SFSWAP: variants seen among roughly 807,000 people sequenced by gnomAD.
The protein encoded by SFSWAP is splicing factor, suppressor of white-apricot homolog.
A neutral mutation model predicts 100.7 loss-of-function variants in SFSWAP; 17 were observed. The ratio of observed to expected loss-of-function variants is 0.17; its 90% CI spans 0.12 to 0.25. The LOEUF (loss-of-function observed/expected upper bound fraction) is 0.25. SFSWAP is among the 10% of genes least tolerant of loss of function. The pLI is 1.00. For missense variants in SFSWAP, 1,005 were observed against 1,262.6 expected (o/e 0.80, Z 3.09); for synonymous variants, 504 against 510.1 (o/e 0.99, Z 0.16).
In SFSWAP at chr12:131,730,754, C is replaced by T. The variant is rs1222353230; in HGVS notation, c.1081+2326C>T. Among the ~76,000 whole-genome samples, 1 of 152,178 alleles carries T rather than the reference C, an allele frequency of 6.6e-6. No homozygotes were observed. Among genetic ancestry groups the T allele is most frequent in the African/African-American group, 2.4e-5 (1 of 41,434 alleles). ...CTCTGTTCAGGCCCCTGACTACCAC[C>T]ACCCTGGGCACTGACGGCACCCCAC... On this transcript the variant is annotated intron_variant, in intron 7 of 17. Transcript: ENST00000261674. The surrounding 1 kb of genome is among the most constrained non-coding windows in gnomAD (Gnocchi z 4.0).
chr12:131,737,630 T>C (rs1880161104), intron 7 of SFSWAP, among the ~76,000 whole-genome samples: 1 of 152,114 alleles, frequency 6.6e-6, no homozygotes. Flanking sequence ...CTGTGTCTCG[T>C]GGGAGGCTGC....
intron 7 of SFSWAP, among the ~76,000 whole-genome samples, chr12:131,737,102 G>C (rs544139887): frequency 6.6e-6 from 1 of 152,186 alleles, no homozygotes; most frequent in African/African-American, 2.4e-5. Flanking sequence ...AGGACTAATG[G>C]AGTCCCTCTG....
Position 131,711,629 on chromosome 12 carries a change from GC to G in SFSWAP, c.218+185del. 1 of 598,556 alleles carries G rather than the reference GC, an allele frequency of 1.7e-6. No homozygotes were observed. The highest frequency in any genetic ancestry group is 3.0e-6 in the Non-Finnish European group (1 of 338,120). The allele number at this position is 598,556 out of a possible 1,614,324, so 37.1% of individuals were successfully genotyped here. A position where few individuals can be genotyped will look rare whatever the true frequency, so the allele number is the denominator to read the frequency against. On this transcript the variant is annotated intron_variant, in intron 1 of 17. Coordinates refer to ENST00000261674, the MANE Select transcript of SFSWAP (RefSeq NM_004592.4). The surrounding 1 kb of genome is among the most constrained non-coding windows in gnomAD (Gnocchi z 4.9). ...GGTGGGGAGGGGGACGGTGAAACCT[GC>G]CCTAAGGCACTGGCTGGAATTGCGT...
chr12:131,714,718 A>G lies in SFSWAP; in HGVS notation c.389-104A>G. On this transcript the variant is annotated intron_variant, in intron 2 of 17. Transcript: ENST00000261674. This position sits in a 1 kb window ranked among gnomAD's most constrained non-coding sequence, Gnocchi z 6.0. ...ATTTTACCTCAAAAGTAGGTTGAAA[A>G]AAGTATGTTGTATGCTTTACTGATA... The G allele has an allele frequency of 9.6e-7, 1 of 1,039,256 alleles. No individual in the cohort carries two copies. The highest frequency in any genetic ancestry group is 1.4e-6 in the Non-Finnish European group (1 of 711,546). The allele number at this position is 1,039,256 out of a possible 1,614,324, so 64.4% of individuals were successfully genotyped here. A position where few individuals can be genotyped will look rare whatever the true frequency, so the allele number is the denominator to read the frequency against.
chr12:131,752,762 G>A (rs1346200737), intron 7 of SFSWAP, among the ~76,000 whole-genome samples: 4 of 152,230 alleles, frequency 2.6e-5, no homozygotes, highest in South Asian at 4.1e-4. Context: ...TTCGTGGGCC[G>A]TGTGAGCAAA....
At chr12:131,758,985 G>T (rs374308304) in intron 11 of SFSWAP, among the ~76,000 whole-genome samples, 3 of 152,190 alleles carry the variant, frequency 2.0e-5, no homozygotes, top group East Asian at 1.9e-4. Flanking sequence ...TACTTGGGAG[G>T]CTAAGGTGGG....
At chr12:131,724,369 A>G (rs1463082931) in intron 4 of SFSWAP, among the ~76,000 whole-genome samples, 2 of 152,238 alleles carry the variant, frequency 1.3e-5, no homozygotes, top group Admixed American at 1.3e-4. Flanking sequence ...CAAGTCGTGG[A>G]CATGCATACA....
rs777181757 is a variant in SFSWAP, at chr12:131,714,845, G to A, written c.412G>A (p.Glu138Lys). The change falls in exon 3 of 18, where the codon GAA (glutamate) becomes AAA (lysine). Residue 138 changes from glutamate (E) to lysine (K), a missense_variant. Coordinates refer to ENST00000261674, the MANE Select transcript of SFSWAP (RefSeq NM_004592.4). The surrounding 1 kb of genome is among the most constrained non-coding windows in gnomAD (Gnocchi z 6.0). ...AGAGGAAGAATACAAGCGATTGAGTGAAGCACTAGCAGAGGATGGGAGCTA... is the reference window on the plus strand; with the variant it reads ...AGAGGAAGAATACAAGCGATTGAGTAAAGCACTAGCAGAGGATGGGAGCTA... ...RQEEEYKRLS[E>K]ALAEDGSYNA... 6.2e-7 allele frequency: 1 copy of A among 1,614,102 alleles called. No homozygotes were observed. Among genetic ancestry groups the A allele is most frequent in the Non-Finnish European group, 8.5e-7 (1 of 1,179,946 alleles).
At chr12:131,762,601 G>GT (rs528148662) in intron 11 of SFSWAP, among the ~76,000 whole-genome samples, 49 of 151,572 alleles carry the variant, frequency 3.2e-4, no homozygotes, top group South Asian at 3.1e-3. Context: ...TTTGTTTTTT[G>GT]TTTTTTTTGA....
At chr12:131,750,010 G>A (rs1028426972) in intron 7 of SFSWAP, among the ~76,000 whole-genome samples, 1 of 152,254 alleles carries the variant, frequency 6.6e-6, no homozygotes, top group African/African-American at 2.4e-5. Flanking sequence ...GCAAAGGACA[G>A]AGACCTGGGG....
chr12:131,787,587 C>T lies in SFSWAP; in HGVS notation c.2534+999C>T, dbSNP rs142035013. On this transcript the variant is annotated intron_variant, in intron 15 of 17. Transcript: ENST00000261674. ...AGGATGGAGCATTGCACATCGTAGC[C>T]TTGAGCTTCATAACACGGCACTGCT... 4.6e-5 allele frequency among the ~76,000 whole-genome samples: 7 copies of T among 152,364 alleles called. No individual in the cohort carries two copies. In the East Asian group the frequency reaches 1.3e-3, roughly 29 times the overall value.
chr12:131,760,870 G>A (rs1172695437), intron 11 of SFSWAP, among the ~76,000 whole-genome samples: 4 of 152,066 alleles, frequency 2.6e-5, no homozygotes, highest in African/African-American at 9.7e-5. Context: ...TCGGGATTTC[G>A]AGACCAGCCT....
intron 13 of SFSWAP, among the ~76,000 whole-genome samples, chr12:131,777,462 A>G (rs2136254643): frequency 6.6e-6 from 1 of 152,332 alleles, no homozygotes; most frequent in South Asian, 2.1e-4. Flanking sequence ...GTCCCTACAA[A>G]GGACATGAAC....
chr12:131,717,583 A>G (rs1878047225), intron 3 of SFSWAP, among the ~76,000 whole-genome samples: 1 of 152,228 alleles, frequency 6.6e-6, no homozygotes, highest in Non-Finnish European at 1.5e-5. Context: ...AAATCTGTTT[A>G]ACCCATCAAT....
Position 131,756,457 on chromosome 12 carries a change from G to A in SFSWAP, c.1549-16G>A, listed in dbSNP as rs954254186. On this transcript the variant is annotated splice_polypyrimidine_tract_variant and intron_variant, in intron 10 of 17. Coordinates refer to ENST00000261674, the MANE Select transcript of SFSWAP (RefSeq NM_004592.4). ...TAATTTCCTGCTGACAGTTTATAGT[G>A]ACATTTAATCTCTAGGCTGTGTCTG... is the stretch of plus-strand genomic sequence containing the variant. 6.2e-6 allele frequency: 10 copies of A among 1,611,152 alleles called. No homozygotes were observed. The highest frequency in any genetic ancestry group is 5.0e-5 in the Admixed American group (3 of 59,684).
At position 131,725,401 on chromosome 12, in the gene SFSWAP, G is replaced by A. The variant is rs755545478; in HGVS notation, c.607-4G>A. 1.1e-5 allele frequency: 17 copies of A among 1,613,442 alleles called. No homozygotes were observed. Among genetic ancestry groups the A allele is most frequent in the South Asian group, 6.6e-5 (6 of 91,066 alleles). ...GTGACGTGAATATGTGTGTTTTCCC[G>A]TAGCCACCAACCGCTAAAATGCACG... On this transcript the variant is annotated splice_region_variant and splice_polypyrimidine_tract_variant and intron_variant, in intron 4 of 17. Transcript: ENST00000261674. The surrounding 1 kb of genome is among the most constrained non-coding windows in gnomAD (Gnocchi z 4.3).
chr12:131,769,246 A>G (rs1176936538), intron 13 of SFSWAP, among the ~76,000 whole-genome samples: 1 of 152,220 alleles, frequency 6.6e-6, no homozygotes, highest in Non-Finnish European at 1.5e-5. Flanking sequence ...GGAGAAGCAC[A>G]GTATAAAATA....
In SFSWAP at chr12:131,797,237, G is replaced by A; in HGVS notation, c.2594G>A (p.Arg865Lys). ...CGGTCGCGGACCAAGTCCAAGGCCA[G>A]GTCTCAGTCGGTGTCACCCAGCAAG... ...RSRSRTKSKA[R>K]SQSVSPSKQA... The change falls in exon 16 of 18, where the codon AGG (arginine) becomes AAG (lysine). Residue 865 changes from arginine to lysine, a missense_variant. Arg to Lys is a conservative substitution (Grantham distance 26, BLOSUM62 2). Around this residue, in one of 7 missense-constraint regions of SFSWAP, gnomAD observed 295 missense variants for 347.9 expected, o/e 0.85. Transcript: ENST00000261674. The A allele has an allele frequency of 6.2e-7, 1 of 1,612,534 alleles. No individual in the cohort carries two copies. Among genetic ancestry groups the A allele is most frequent in the Non-Finnish European group, 8.5e-7 (1 of 1,179,832 alleles).
At chr12:131,776,558 A>G (rs1004151278) in intron 13 of SFSWAP, among the ~76,000 whole-genome samples, 1 of 152,252 alleles carries the variant, frequency 6.6e-6, no homozygotes, top group African/African-American at 2.4e-5. Context: ...GTTTTCCCGC[A>G]GCCAGTTGGC....
Sources: allele counts gnomAD v4.1 joint callset (sites outside exome capture counted in the v4.1 genomes callset), GRCh38; gene constraint gnomAD v4.1.1; regional missense constraint gnomAD v4.1.1; non-coding constraint Gnocchi (gnomAD v3.1); transcripts MANE v1.5; gene names NCBI Gene and HGNC (gene_info 2026-07-23, HGNC 2026-07-21).